The following TMEM17 variants were observed in gnomAD, a reference collection of about 807,000 sequenced individuals.
The protein encoded by TMEM17 is transmembrane protein 17.
TMEM17 carries 15 observed loss-of-function variants against 19.1 expected under a neutral mutation model. The ratio of observed to expected loss-of-function variants is 0.78; its 90% CI spans 0.52 to 1.21. The LOEUF (loss-of-function observed/expected upper bound fraction) is 1.21. TMEM17 is among the 50% of genes most tolerant of loss of function. TMEM17 has a pLI of 0.00. For missense variants in TMEM17, 245 were observed against 242.3 expected, an observed-to-expected ratio of 1.01 and a Z score of -0.07; for synonymous variants, 103 against 86.9, an observed-to-expected ratio of 1.19 and a Z score of -1.03.
At chr2:62,494,903 C>G in the TMEM17 span, among the ~76,000 whole-genome samples, 11 of 152,284 alleles carry the variant, frequency 7.2e-5, no homozygotes, top group South Asian at 2.3e-3. Context: ...GTAGTCCCAG[C>G]TACCGGGAGG....
the TMEM17 span, among the ~76,000 whole-genome samples, chr2:62,457,988 A>G: frequency 2.6e-5 from 4 of 152,146 alleles, no homozygotes; most frequent in East Asian, 7.7e-4. This position sits in a 1 kb window ranked among gnomAD's most constrained non-coding sequence, Gnocchi z 4.2. Context: ...CCCGGGTGTT[A>G]GATCTGACTT....
Position 62,501,195 on chromosome 2 carries a change from TCAA to T in TMEM17, c.*11_*13del, listed in dbSNP as rs776054336. ...CTAGAATGATCTGTCAGATTTTCAC[TCAA>T]CAACACTGGATCAGATCTCTTCTAT... On this transcript the variant is annotated 3_prime_UTR_variant, in exon 4 of 4. Transcript: ENST00000335390. The T allele has an allele frequency of 5.7e-5, 91 of 1,605,516 alleles. No individual in the cohort carries two copies. The highest frequency in any genetic ancestry group is 7.2e-5 in the Non-Finnish European group (84 of 1,174,448).
the TMEM17 span, among the ~76,000 whole-genome samples, chr2:62,465,859 G>T: frequency 1.3e-5 from 2 of 152,256 alleles, no homozygotes; most frequent in South Asian, 4.1e-4. Flanking sequence ...GTACGTTTAG[G>T]TGGGTAGGGG....
At chr2:62,485,550 T>C in the TMEM17 span, among the ~76,000 whole-genome samples, 1 of 152,198 alleles carries the variant, frequency 6.6e-6, no homozygotes, top group Non-Finnish European at 1.5e-5. Context: ...TATAGTCTTA[T>C]TGGCCTGTGC....
chr2:62,475,442 CT>C, the TMEM17 span, among the ~76,000 whole-genome samples: 2 of 152,260 alleles, frequency 1.3e-5, no homozygotes, highest in African/African-American at 2.4e-5. Flanking sequence ...TTCCAGCCCC[CT>C]GGCCTTGCTT....
At chr2:62,466,736 C>T in the TMEM17 span, among the ~76,000 whole-genome samples, 6 of 152,128 alleles carry the variant, frequency 3.9e-5, no homozygotes, top group African/African-American at 1.2e-4. Context: ...GCGCTGACCC[C>T]GCCCATCATC....
the TMEM17 span, among the ~76,000 whole-genome samples, chr2:62,475,871 A>G: frequency 0.35 from 53,702 of 152,200 alleles, 10,853 homozygotes; most frequent in South Asian, 0.49. Context: ...GCAGAGAACA[A>G]TTAATTGCCA....
chr2:62,494,563 T>C, the TMEM17 span, among the ~76,000 whole-genome samples: 2 of 152,182 alleles, frequency 1.3e-5, no homozygotes, highest in African/African-American at 2.4e-5. Flanking sequence ...TAATGTACTT[T>C]GAATTAGAAT....
the TMEM17 span, among the ~76,000 whole-genome samples, chr2:62,495,061 C>T: frequency 6.6e-6 from 1 of 152,146 alleles, no homozygotes; most frequent in South Asian, 2.1e-4. Context: ...TAGCTGAGTG[C>T]TAAAGACTTA....
the TMEM17 span, among the ~76,000 whole-genome samples, chr2:62,480,816 A>G: frequency 6.6e-6 from 1 of 152,132 alleles, no homozygotes; most frequent in Non-Finnish European, 1.5e-5. Flanking sequence ...TACAGCTTTG[A>G]ATATTTGCAG....
At chr2:62,487,892 A>C in the TMEM17 span, among the ~76,000 whole-genome samples, 1 of 152,156 alleles carries the variant, frequency 6.6e-6, no homozygotes. Context: ...CGGAGGTTTC[A>C]CCATGTTGGC....
the TMEM17 span, among the ~76,000 whole-genome samples, chr2:62,454,707 T>G: frequency 9.2e-5 from 14 of 152,290 alleles, no homozygotes; most frequent in East Asian, 9.6e-4. Context: ...ATGTATGTAT[T>G]TATTTATTTA....
chr2:62,478,153 G>A, the TMEM17 span, among the ~76,000 whole-genome samples: 11 of 152,212 alleles, frequency 7.2e-5, no homozygotes, highest in Non-Finnish European at 1.5e-4. Context: ...GTCCAAGGAA[G>A]ACAGATTTGT....
the TMEM17 span, chr2:62,464,126 A>G: frequency 6.6e-6 from 1 of 152,260 alleles, no homozygotes; most frequent in Non-Finnish European, 1.5e-5. Flanking sequence ...CTCAGGGGCC[A>G]CAGGTGTGGA....
At chr2:62,474,286 G>A in the TMEM17 span, among the ~76,000 whole-genome samples, 1 of 152,132 alleles carries the variant, frequency 6.6e-6, no homozygotes, top group Non-Finnish European at 1.5e-5. Flanking sequence ...GTGTGGAGAG[G>A]GATATTTAAA....
chr2:62,466,457 A>G, the TMEM17 span, among the ~76,000 whole-genome samples: 1 of 152,202 alleles, frequency 6.6e-6, no homozygotes, highest in Non-Finnish European at 1.5e-5. Flanking sequence ...GTTAAACCAA[A>G]TGCGATGTGA....
chr2:62,464,528 T>A, the TMEM17 span, among the ~76,000 whole-genome samples: 2 of 152,192 alleles, frequency 1.3e-5, no homozygotes, highest in South Asian at 4.1e-4. Context: ...AAAACTTCAC[T>A]TCTGTGGTAT....
chr2:62,475,498 C>T, the TMEM17 span, among the ~76,000 whole-genome samples: 3 of 152,220 alleles, frequency 2.0e-5, no homozygotes, highest in African/African-American at 7.2e-5. Flanking sequence ...TGCTCCCTGG[C>T]GGTTCTGGGT....
At chr2:62,457,217 G>T in the TMEM17 span, among the ~76,000 whole-genome samples, 4 of 152,252 alleles carry the variant, frequency 2.6e-5, no homozygotes, top group African/African-American at 9.6e-5. The surrounding 1 kb of genome is among the most constrained non-coding windows in gnomAD (Gnocchi z 4.2). Context: ...TGCCGTGCGG[G>T]CTGCTGCTTC....
Sources: gnomAD v4.1 joint callset for allele counts (sites outside exome capture counted in the v4.1 genomes callset) on GRCh38, gnomAD v4.1.1 for gene constraint, Gnocchi (gnomAD v3.1) non-coding constraint, MANE v1.5 for transcripts, NCBI Gene and HGNC (gene_info 2026-07-23, HGNC 2026-07-21) for gene names.